The following CDHR5 variants were observed in gnomAD, a reference collection of about 807,000 sequenced individuals.
CDHR5 encodes the protein cadherin-related family member 5.
Under a neutral mutation model 69.5 loss-of-function variants are expected in CDHR5, and 82 were observed. The observed-to-expected ratio is 1.18, with a 90% CI of 0.99 to 1.42. The LOEUF is 1.42. Among genes scored for constraint, CDHR5 ranks in the 40% most tolerant of loss-of-function variants. CDHR5 has a pLI of 0.00. For missense variants in CDHR5, 1,293 were observed against 1,168.9 expected (o/e 1.11, Z -1.55); for synonymous variants, 601 against 510.2 (o/e 1.18, Z -2.40).
chr11:624,674 C>A lies in CDHR5; in HGVS notation c.144G>T (p.Pro48=), dbSNP rs72844723. 2 of 1,613,304 alleles carry A rather than the reference C, an allele frequency of 1.2e-6. No individual in the cohort carries two copies. Among genetic ancestry groups the A allele is most frequent in the Admixed American group, 3.3e-5 (2 of 59,964 alleles). ...CCTCCGGGACGTGGATGTCCACCAG[C>A]GGCTCGGTGACATTTGTGTTCTCCT... The part of the protein sequence containing the change: ...EVEENTNVTE[P]LVDIHVPEGQ... Residue 48 remains proline (P), a synonymous_variant, in exon 2 of 15, where the codon CCG becomes CCT. Coordinates refer to ENST00000397542, the MANE Select transcript of CDHR5 (RefSeq NM_021924.5). This position sits in a 1 kb window ranked among gnomAD's most constrained non-coding sequence, Gnocchi z 5.3.
In CDHR5 at chr11:619,087, G is replaced by A; in HGVS notation, c.1472C>T (p.Pro491Leu). 6.2e-7 allele frequency: 1 copy of A among 1,611,536 alleles called. No homozygotes were observed. Among genetic ancestry groups the A allele is most frequent in the Non-Finnish European group, 8.5e-7 (1 of 1,179,288 alleles). The change falls in exon 13 of 15, where the codon CCC becomes CTC. Residue 491 changes from proline to leucine, a missense_variant. Pro to Leu is a moderately conservative substitution (Grantham distance 98, BLOSUM62 -3). Coordinates refer to ENST00000397542, the MANE Select transcript of CDHR5 (RefSeq NM_021924.5). ...GCCTCCCCCAGAGCTGGTCGTGGAGGGTCCCTGGGAGGGCTCAGGGGGTCT... is the reference window on the plus strand; with the variant it reads ...GCCTCCCCCAGAGCTGGTCGTGGAGAGTCCCTGGGAGGGCTCAGGGGGTCT... ...VPRPPEPSQG[P>L]STTSSGGGTG...
At position 620,372 on chromosome 11, in the gene CDHR5, G is replaced by A; in HGVS notation, c.804C>T (p.Val268=). Residue 268 remains valine (V), a synonymous_variant, in exon 8 of 15, where the codon GTC becomes GTT. Transcript: ENST00000397542. The part of the protein sequence containing the change: ...PTGHILPSPL[V]LRPGPIYAED... Reference sequence around the variant, plus strand: ...CAGCGTAGATGGGTCCGGGACGCAGGACGAGGGGAGATGGCTTCAGGGATG... The same window carrying A: ...CAGCGTAGATGGGTCCGGGACGCAGAACGAGGGGAGATGGCTTCAGGGATG... 1.2e-6 allele frequency: 2 copies of A among 1,606,874 alleles called. No homozygotes were observed. The highest frequency in any genetic ancestry group is 1.7e-6 in the Non-Finnish European group (2 of 1,175,256).
At chr11:620,983 A>ACCCCGC (rs1857340384) in intron 7 of CDHR5, 97 bp downstream of exon 7, 1 of 537,006 alleles carries the variant, frequency 1.9e-6, no homozygotes, top group African/African-American at 1.9e-5. Context: ...CCACCCCCTG[A>ACCCCGC]CCCCGACCCC....
intron 9 of CDHR5, 34 bp downstream of exon 9, chr11:620,032 CT>C: frequency 6.6e-7 from 1 of 1,506,924 alleles, no homozygotes; most frequent in Non-Finnish European, 9.1e-7. Flanking sequence ...ACCCTTCCCC[CT>C]CTGCCCTGCC....
rs1384402368 is a variant in CDHR5 at position 621,390 on chromosome 11, C to T, written c.573G>A (p.Leu191=). The change falls in exon 6 of 15, where the codon CTG becomes CTA. Residue 191 remains leucine (L), a synonymous_variant. Transcript: ENST00000397542. This position sits in a 1 kb window ranked among gnomAD's most constrained non-coding sequence, Gnocchi z 4.4. ...NRPALRLDRP[L]DFYERPNMTF... is the part of the protein sequence containing the mutation. ...TCATGTTCGGCCGCTCGTAGAAGTC[C>T]AGGGGCCGGTCCAGCCTCAGGGCGG... The T allele has an allele frequency of 6.2e-7, 1 of 1,613,072 alleles. No homozygotes were observed. The highest frequency in any genetic ancestry group is 1.7e-5 in the Admixed American group (1 of 60,014).
In CDHR5 at chr11:624,764, C is replaced by G; in HGVS notation, c.86-32G>C. 1 of 1,603,800 alleles carries G rather than the reference C, an allele frequency of 6.2e-7. No homozygotes were observed. Among genetic ancestry groups the G allele is most frequent in the Non-Finnish European group, 8.5e-7 (1 of 1,173,562 alleles). The stretch of plus-strand genomic sequence containing the variant: ...GGTTGCAGAGGAGGGATCAGTGCCT[C>G]CCAGCCCCTGGCTCCCCGCCGCCCG... On this transcript the variant is annotated intron_variant, in intron 1 of 14. Transcript: ENST00000397542. This position sits in a 1 kb window ranked among gnomAD's most constrained non-coding sequence, Gnocchi z 5.3.
At position 621,891 on chromosome 11, in the gene CDHR5, C is replaced by T. The variant is rs1454662387; in HGVS notation, c.326G>A (p.Arg109Lys). The part of the protein sequence containing the change: ...QSGGTLVTQL[R>K]VFVSVLDVND... ...GACGTCCAGCACTGACACGAACACC[C>T]TTAGCTGGGTCACCTGCAGGATGTG... The change falls in exon 4 of 15, where the codon AGG becomes AAG. Residue 109 changes from arginine (R) to lysine (K), a missense_variant. Physicochemically the swap from Arg to Lys is conservative, Grantham distance 26 (BLOSUM62 2). Coordinates refer to ENST00000397542, the MANE Select transcript of CDHR5 (RefSeq NM_021924.5). The surrounding 1 kb of genome is among the most constrained non-coding windows in gnomAD (Gnocchi z 4.4). 3.1e-6 allele frequency: 5 copies of T among 1,613,228 alleles called. No individual in the cohort carries two copies. In the East Asian group the frequency reaches 8.9e-5, roughly 29 times the overall value.
rs766848501 is a variant in CDHR5 at position 619,277 on chromosome 11, TGGGGGCTCACCTGTGGAG to T, written c.1378+11_1378+28del. The T allele has an allele frequency of 4.6e-5, 71 of 1,547,030 alleles. No individual in the cohort carries two copies. Among genetic ancestry groups the T allele is most frequent in the African/African-American group, 1.5e-4 (11 of 73,340 alleles). ...CCGAAGGGGCTTATTTGGAGAACCCTGGGGGCTCACCTGTGGAGGGGGGCTTACCTGTGGAGGGGGGCT... is the reference window on the plus strand; with the variant it reads ...CCGAAGGGGCTTATTTGGAGAACCCTGGGGGCTTACCTGTGGAGGGGGGCT... On this transcript the variant is annotated intron_variant, in intron 12 of 14. Transcript: ENST00000397542.
In CDHR5 at chr11:621,118, C is replaced by A; in HGVS notation, c.751G>T (p.Ala251Ser). Reference sequence around the variant, plus strand: ...GTGGGGACAGCCCCGTGGTACTGAGCTTGAATGCAGACGTAGCCATCTGAG... The same window carrying A: ...GTGGGGACAGCCCCGTGGTACTGAGATTGAATGCAGACGTAGCCATCTGAG... ...TFSDGYVCIQ[A>S]QYHGAVPTGH... The change falls in exon 7 of 15, where the codon GCT (alanine) becomes TCT (serine). Residue 251 changes from alanine (A) to serine (S), a missense_variant. Ala to Ser is a moderately conservative substitution (Grantham distance 99). Coordinates refer to ENST00000397542, the MANE Select transcript of CDHR5 (RefSeq NM_021924.5). This position sits in a 1 kb window ranked among gnomAD's most constrained non-coding sequence, Gnocchi z 4.4. 6.3e-7 allele frequency: 1 copy of A among 1,580,040 alleles called. No individual in the cohort carries two copies. Among genetic ancestry groups the A allele is most frequent in the Non-Finnish European group, 8.6e-7 (1 of 1,162,622 alleles).
At position 617,459 on chromosome 11, in the gene CDHR5, G is replaced by A. The variant is rs1564890706; in HGVS notation, c.2430C>T (p.Thr810=). 2 of 1,612,644 alleles carry A rather than the reference G, an allele frequency of 1.2e-6. No homozygotes were observed. The highest frequency in any genetic ancestry group is 1.3e-5 in the African/African-American group (1 of 75,022). ...AGTCACTGGCGCCATCCACGTCCAG[G>A]GTGGGCGCGTTGAGAACGACCACGT... is the stretch of plus-strand genomic sequence containing the variant. The part of the protein sequence containing the change: ...EADVVVLNAP[T]LDVDGASDSG... The change falls in exon 15 of 15, where the codon ACC becomes ACT. Residue 810 remains threonine, a synonymous_variant. Transcript: ENST00000397542.
At chr11:620,983 A>ACCCCCC in intron 7 of CDHR5, 97 bp downstream of exon 7, 1 of 536,994 alleles carries the variant, frequency 1.9e-6, no homozygotes, top group Non-Finnish European at 3.2e-6. Context: ...CCACCCCCTG[A>ACCCCCC]CCCCGACCCC....
Position 624,361 on chromosome 11 carries a change from TG to T in CDHR5, c.262-99del, listed in dbSNP as rs1564902404. The T allele has an allele frequency of 2.7e-6, 2 of 734,394 alleles. No homozygotes were observed. Among genetic ancestry groups the T allele is most frequent in the Non-Finnish European group, 5.0e-6 (2 of 399,164 alleles). 45.5% of individuals were successfully genotyped at this position (734,394 alleles called of 1,614,324 possible). ...GCTGGCCCAGGGTCCCCATCATCAG[TG>T]GTCAGTGCTGAGGGTGTGGGCCCAG... On this transcript the variant is annotated intron_variant, in intron 2 of 14. Transcript: ENST00000397542. The surrounding 1 kb of genome is among the most constrained non-coding windows in gnomAD (Gnocchi z 5.3).
At position 619,172 on chromosome 11, in the gene CDHR5, G is replaced by T; in HGVS notation, c.1387C>A (p.Pro463Thr). The change falls in exon 13 of 15, where the codon CCA becomes ACA. Residue 463 changes from proline (P) to threonine (T), a missense_variant. By Grantham distance (38) the Pro-to-Thr change is conservative. Coordinates refer to ENST00000397542, the MANE Select transcript of CDHR5 (RefSeq NM_021924.5). ...EQEPPSTDVP[P>T]SPEAGGTTGP... Reference sequence around the variant, plus strand: ...GTTGTTCCTCCAGCCTCTGGGGATGGGGGGACATCTGGGGGCCGGGAACAG... The same window carrying T: ...GTTGTTCCTCCAGCCTCTGGGGATGTGGGGACATCTGGGGGCCGGGAACAG... 6.5e-7 allele frequency: 1 copy of T among 1,543,216 alleles called. No individual in the cohort carries two copies. Among genetic ancestry groups the T allele is most frequent in the Non-Finnish European group, 8.7e-7 (1 of 1,145,590 alleles).
chr11:618,948 C>T lies in CDHR5; in HGVS notation c.1611G>A (p.Gly537=). The part of the protein sequence containing the change: ...STSHQPATPG[G]DTAQTPKPGT... ...CTGGCTTTGGGGTCTGTGCTGTGTC[C>T]CCACCGGGAGTGGCTGGTTGGTGGG... Residue 537 remains glycine, a synonymous_variant, in exon 13 of 15, where the codon GGG becomes GGA. Coordinates refer to ENST00000397542, the MANE Select transcript of CDHR5 (RefSeq NM_021924.5). 1 of 1,610,816 alleles carries T rather than the reference C, an allele frequency of 6.2e-7. No homozygotes were observed. Among genetic ancestry groups the T allele is most frequent in the Non-Finnish European group, 8.5e-7 (1 of 1,177,566 alleles).
chr11:624,808 C>G lies in CDHR5; in HGVS notation c.85+10G>C. ...CCGCCCGTGCCCCACCTACCCCTGC[C>G]CGCACATACACTGGGCCTGGGCCAT... On this transcript the variant is annotated intron_variant, in intron 1 of 14. Transcript: ENST00000397542. This position sits in a 1 kb window ranked among gnomAD's most constrained non-coding sequence, Gnocchi z 5.3. 1 of 1,609,512 alleles carries G rather than the reference C, an allele frequency of 6.2e-7. No individual in the cohort carries two copies. Among genetic ancestry groups the G allele is most frequent in the Non-Finnish European group, 8.5e-7 (1 of 1,177,946 alleles).
In CDHR5 at chr11:624,259, T is replaced by A; in HGVS notation, c.266A>T (p.Lys89Met). The A allele has an allele frequency of 1.3e-6, 1 of 770,956 alleles. No individual in the cohort carries two copies. Among genetic ancestry groups the A allele is most frequent in the Admixed American group, 1.7e-5 (1 of 57,814 alleles). The allele number at this position is 770,956 out of a possible 1,614,324, so 47.8% of individuals were successfully genotyped here. ...FLNVTPDYEE[K>M]SLLEAQLLCQ... ...CAGCAGCTGAGCCTCAAGCAGTGAC[T>A]TCTCCTGTGGATGTAGACAGGTCTG... Residue 89 changes from lysine to methionine, a missense_variant, in exon 3 of 15, where the codon AAG becomes ATG. Transcript: ENST00000397542. This position sits in a 1 kb window ranked among gnomAD's most constrained non-coding sequence, Gnocchi z 5.3.
In CDHR5 at chr11:617,672, C is replaced by T. The variant is rs775392594; in HGVS notation, c.2217G>A (p.Ala739=). 2.3e-5 allele frequency: 34 copies of T among 1,498,378 alleles called. No homozygotes were observed. The highest frequency in any genetic ancestry group is 4.6e-5 in the Admixed American group (2 of 43,202). The allele number at this position is 1,498,378 out of a possible 1,614,324, so 92.8% of individuals were successfully genotyped here. A position where few individuals can be genotyped will look rare whatever the true frequency, so the allele number is the denominator to read the frequency against. The change falls in exon 15 of 15, where the codon GCG becomes GCA. Residue 739 remains alanine (A), a synonymous_variant. Coordinates refer to ENST00000397542, the MANE Select transcript of CDHR5 (RefSeq NM_021924.5). ...VPSPTHDPKP[A]EAPMPAEPAP... is the part of the protein sequence containing the mutation. ...CGGGCTCTGCGGGCATCGGTGCCTCCGCGGGCTTGGGGTCGTGCGTGGGGC... is the reference window on the plus strand; with the variant it reads ...CGGGCTCTGCGGGCATCGGTGCCTCTGCGGGCTTGGGGTCGTGCGTGGGGC...
chr11:620,573 G>T (rs1857314566), intron 7 of CDHR5, among the ~76,000 whole-genome samples, 187 bp from the exon 8 acceptor site: 1 of 152,188 alleles, frequency 6.6e-6, no homozygotes, highest in Non-Finnish European at 1.5e-5. Context: ...ACCCCTGTGG[G>T]TCCCTTACTA....
chr11:620,258 G>T (rs375815486), intron 8 of CDHR5, 38 bp downstream of exon 8: 4 of 1,587,306 alleles, frequency 2.5e-6, no homozygotes, highest in South Asian at 1.1e-5. Context: ...AGGGACAGAG[G>T]GGGTACAGGG....
Sources: gnomAD v4.1 joint callset for allele counts (sites outside exome capture counted in the v4.1 genomes callset) on GRCh38, gnomAD v4.1.1 for gene constraint, Gnocchi (gnomAD v3.1) non-coding constraint, MANE v1.5 for transcripts, NCBI Gene and HGNC (gene_info 2026-07-23, HGNC 2026-07-21) for gene names.